Variants in AK8 observed in about 807,000 individuals in gnomAD.
AK8 encodes the protein adenylate kinase 8, also known as ATP-AMP transphosphorylase 8.
AK8 carries 44 observed loss-of-function variants against 54.6 expected under a neutral mutation model. That is an observed-to-expected ratio of 0.81 (90% CI 0.63 to 1.04). The LOEUF (loss-of-function observed/expected upper bound fraction) is 1.04. Ranked by LOEUF, AK8 falls within the 50% of genes least tolerant of loss-of-function variation. AK8 has a pLI of 0.00. For missense variants in AK8, 555 were observed against 613.6 expected (o/e 0.90, Z 1.01); for synonymous variants, 239 against 245.6 (o/e 0.97, Z 0.25).
intron 11 of AK8, among the ~76,000 whole-genome samples, chr9:132,753,121 C>T (rs1322749711): frequency 1.3e-5 from 2 of 152,224 alleles, no homozygotes; most frequent in African/African-American, 4.8e-5. Context: ...TCATTCTACA[C>T]TGGGGAATCA....
intron 2 of AK8, among the ~76,000 whole-genome samples, chr9:132,873,631 G>C (rs186867339): frequency 6.6e-6 from 1 of 152,082 alleles, no homozygotes; most frequent in Admixed American, 6.5e-5. Flanking sequence ...TTCTCTGGTG[G>C]CGGTGTGAGA....
chr9:132,865,544 G>A (rs1008427546), intron 3 of AK8, among the ~76,000 whole-genome samples: 4 of 152,178 alleles, frequency 2.6e-5, no homozygotes, highest in African/African-American at 4.8e-5. Context: ...ACCTTAGGCC[G>A]GGCACGGTGG....
chr9:132,735,354 T>C (rs978096902), intron 11 of AK8, among the ~76,000 whole-genome samples: 16 of 152,180 alleles, frequency 1.1e-4, no homozygotes, highest in Non-Finnish European at 2.4e-4. Context: ...CATGGACGGA[T>C]TGGGTAAGTT....
intron 5 of AK8, among the ~76,000 whole-genome samples, chr9:132,850,689 C>T (rs1444008027): frequency 2.6e-5 from 4 of 151,996 alleles, no homozygotes; most frequent in African/African-American, 7.2e-5. Context: ...TGGGCCACCA[C>T]GCCCGGCCAA....
Position 132,795,684 on chromosome 9 carries a change from G to C in AK8, c.980-2909C>G, listed in dbSNP as rs1009155134. 2.6e-5 allele frequency among the ~76,000 whole-genome samples: 4 copies of C among 152,218 alleles called. 1 individual carries two copies. On this transcript the variant is annotated intron_variant, in intron 10 of 12. Coordinates refer to ENST00000298545, the MANE Select transcript of AK8 (RefSeq NM_152572.3). ...ACATGGGATACGGTCTACGCAGCAA[G>C]CCTGACTGCCAAGGCCCCCGGGCTC...
At chr9:132,817,213 C>A (rs1240368582) in intron 9 of AK8, among the ~76,000 whole-genome samples, 1 of 152,164 alleles carries the variant, frequency 6.6e-6, no homozygotes, top group Non-Finnish European at 1.5e-5. Context: ...CTTAACAAAG[C>A]CTGAAAATAA....
intron 10 of AK8, among the ~76,000 whole-genome samples, chr9:132,807,310 T>C (rs1025965675): frequency 6.6e-6 from 1 of 152,174 alleles, no homozygotes; most frequent in African/African-American, 2.4e-5. Flanking sequence ...AGCTACAGTC[T>C]AGCTCAGAAG....
At chr9:132,828,330 C>T (rs777980254) in intron 6 of AK8, among the ~76,000 whole-genome samples, 7 of 152,354 alleles carry the variant, frequency 4.6e-5, no homozygotes, top group East Asian at 1.9e-4. Context: ...CAATTTCCCT[C>T]GTCACAGATA....
chr9:132,794,703 C>CT (rs953285074), intron 10 of AK8, among the ~76,000 whole-genome samples: 2 of 152,238 alleles, frequency 1.3e-5, no homozygotes, highest in African/African-American at 4.8e-5. Context: ...GAAGGCTTCT[C>CT]TTTTTCAAAT....
At position 132,770,597 on chromosome 9, in the gene AK8, T is replaced by C. The variant is rs1297315575; in HGVS notation, c.1121+22037A>G. 6.6e-6 allele frequency among the ~76,000 whole-genome samples: 1 copy of C among 152,246 alleles called. No homozygotes were observed. The highest frequency in any genetic ancestry group is 2.4e-5 in the African/African-American group (1 of 41,560). ...GTCAGTGGTGACTTCCGGGATTGAATTGGCTGGGAAGCCGGTCCCATTTCA... is the reference window on the plus strand; with the variant it reads ...GTCAGTGGTGACTTCCGGGATTGAACTGGCTGGGAAGCCGGTCCCATTTCA... On this transcript the variant is annotated intron_variant, in intron 11 of 12. Transcript: ENST00000298545. This position sits in a 1 kb window ranked among gnomAD's most constrained non-coding sequence, Gnocchi z 4.3.
chr9:132,766,238 A>C (rs897200891), intron 11 of AK8, among the ~76,000 whole-genome samples: 1 of 152,174 alleles, frequency 6.6e-6, no homozygotes, highest in Non-Finnish European at 1.5e-5. Flanking sequence ...CAGCCTCCTG[A>C]GTAGCTGGAA....
chr9:132,780,300 C>T (rs1216563373), intron 11 of AK8, among the ~76,000 whole-genome samples: 13 of 152,226 alleles, frequency 8.5e-5, no homozygotes, highest in Admixed American at 2.6e-4. Context: ...AGCTTCCAGA[C>T]CTGAGGGGAC....
chr9:132,819,896 T>C (rs1476110651), intron 9 of AK8, among the ~76,000 whole-genome samples: 1 of 152,012 alleles, frequency 6.6e-6, no homozygotes, highest in African/African-American at 2.4e-5. Context: ...TTCTAAATAG[T>C]ACACAAGTCA....
chr9:132,742,070 C>T (rs148937443), intron 11 of AK8, among the ~76,000 whole-genome samples: 2 of 152,232 alleles, frequency 1.3e-5, no homozygotes, highest in East Asian at 1.9e-4. Context: ...TCCAGACTGT[C>T]GCATGGATCA....
intron 11 of AK8, among the ~76,000 whole-genome samples, chr9:132,739,878 G>A (rs1447273687): frequency 6.6e-6 from 1 of 152,266 alleles, no homozygotes; most frequent in Non-Finnish European, 1.5e-5. Flanking sequence ...TTGATTGGGG[G>A]CGGGGGTGTT....
chr9:132,863,826 A>C, intron 3 of AK8, 48 bp from the exon 4 acceptor site: 2 of 1,383,466 alleles, frequency 1.4e-6, no homozygotes, highest in South Asian at 1.2e-5. Flanking sequence ...AACAATAAAT[A>C]CACAAATGAC....
At chr9:132,768,562 G>A (rs571242640) in intron 11 of AK8, among the ~76,000 whole-genome samples, 3 of 152,238 alleles carry the variant, frequency 2.0e-5, no homozygotes, top group East Asian at 1.9e-4. Flanking sequence ...CCACCGTGCC[G>A]GCCAACTTTT....
rs796764891 is a variant in AK8 at position 132,848,115 on chromosome 9, C to CAAAAAAAAAAA, written c.402+6731_402+6741dup. Among the ~76,000 whole-genome samples the CAAAAAAAAAAA allele has an allele frequency of 2.0e-3, 107 of 52,516 alleles. 10 individuals carry two copies. The highest frequency in any genetic ancestry group is 3.0e-3 in the South Asian group (3 of 1,012). The allele number at this position is 52,516 out of a possible 152,430, so 34.5% of individuals were successfully genotyped here. Reference sequence around the variant, plus strand: ...TGGGCAACAGAGCAACACCCTGTTTCAAAAAAAAAAAAAAAAAAAAAAAAA... The same window carrying CAAAAAAAAAAA: ...TGGGCAACAGAGCAACACCCTGTTTCAAAAAAAAAAAAAAAAAAAAAAAAAAAAAAAAAAAA... On this transcript the variant is annotated intron_variant, in intron 5 of 12. Coordinates refer to ENST00000298545, the MANE Select transcript of AK8 (RefSeq NM_152572.3).
intron 3 of AK8, among the ~76,000 whole-genome samples, chr9:132,864,713 T>TCGA (rs1178326578): frequency 6.6e-6 from 1 of 152,212 alleles, no homozygotes; most frequent in East Asian, 1.9e-4. Context: ...GGGCCTGACC[T>TCGA]CGACAGAGAG....
Sources: allele counts gnomAD v4.1 joint callset (sites outside exome capture counted in the v4.1 genomes callset), GRCh38; gene constraint gnomAD v4.1.1; non-coding constraint Gnocchi (gnomAD v3.1); transcripts MANE v1.5; gene names NCBI Gene and HGNC (gene_info 2026-07-23, HGNC 2026-07-21).